GGTA1: variants seen among roughly 807,000 people sequenced by gnomAD.
GGTA1 encodes inactive N-acetyllactosaminide alpha-1,3-galactosyltransferase.
Under a neutral mutation model 2.6 loss-of-function variants are expected in GGTA1, and 5 were observed. That is an observed-to-expected ratio of 1.92 (90% CI 1.00 to 4.04). GGTA1 has a LOEUF of 4.04. Ranked by LOEUF, GGTA1 falls within the 30% of genes most tolerant of loss-of-function variation. The probability of loss-of-function intolerance (pLI) is 0.00; values close to 1 mark genes in which losing one functional copy is unlikely to be tolerated. For missense variants in GGTA1, 50 were observed against 16.7 expected (o/e 2.99, Z -3.47); for synonymous variants, 17 against 5.0 (o/e 3.38, Z -3.19).
intron 2 of GGTA1, among the ~76,000 whole-genome samples, chr9:121,467,547 A>T (rs913902066): frequency 6.6e-6 from 1 of 152,240 alleles, no homozygotes; most frequent in Non-Finnish European, 1.5e-5. Context: ...CAAGTTATTT[A>T]AAATTACATT....
At chr9:121,495,882 C>T (rs538617178) in intron 1 of GGTA1, among the ~76,000 whole-genome samples, 1 of 152,216 alleles carries the variant, frequency 6.6e-6, no homozygotes, top group East Asian at 1.9e-4. Flanking sequence ...GCCTTTGAGA[C>T]ATTCAAAACA....
intron 4 of GGTA1, among the ~76,000 whole-genome samples, 196 bp downstream of exon 4, chr9:121,461,056 G>T (rs1484475672): frequency 6.6e-6 from 1 of 152,162 alleles, no homozygotes; most frequent in East Asian, 1.9e-4. Context: ...CAGCCTGAGT[G>T]ACAGTGAGAC....
chr9:121,480,334 G>A (rs1589335362), intron 1 of GGTA1, among the ~76,000 whole-genome samples: 1 of 152,192 alleles, frequency 6.6e-6, no homozygotes, highest in South Asian at 2.1e-4. Flanking sequence ...GGGATTACAG[G>A]TGTGAGCCAC....
At chr9:121,468,236 T>G (rs10116742) in intron 1 of GGTA1, among the ~76,000 whole-genome samples, 33,312 of 152,198 alleles carry the variant, frequency 0.22, 4,311 homozygotes, top group Middle Eastern at 0.3. Context: ...GTTCTCATAG[T>G]TCACCTCCCA....
At chr9:121,474,534 C>G (rs1286327171) in intron 1 of GGTA1, among the ~76,000 whole-genome samples, 1 of 152,140 alleles carries the variant, frequency 6.6e-6, no homozygotes, top group Non-Finnish European at 1.5e-5. Context: ...TTCCATATGG[C>G]CTATAAGTGA....
rs545203339 is a variant in GGTA1, at chr9:121,457,805, C to T, written c.299-1964G>A. Among the ~76,000 whole-genome samples, 58 of 151,564 alleles carry T rather than the reference C, an allele frequency of 3.8e-4. 1 individual carries two copies. In the South Asian group the frequency reaches 0.011, roughly 29 times the overall value. On this transcript the variant is annotated intron_variant, in intron 5 of 5. Coordinates refer to ENST00000481799, the MANE Select transcript of GGTA1 (RefSeq NM_001382585.1). ...GCTGGGAAGAGGGAGCTGCCCCTCTCGGGAGACGGTCACAAATGAGGATGT... is the reference window on the plus strand; with the variant it reads ...GCTGGGAAGAGGGAGCTGCCCCTCTTGGGAGACGGTCACAAATGAGGATGT...
intron 1 of GGTA1, among the ~76,000 whole-genome samples, chr9:121,486,429 G>A (rs1828755132): frequency 1.3e-5 from 2 of 152,236 alleles, no homozygotes; most frequent in African/African-American, 4.8e-5. Context: ...CCCAGGTGGT[G>A]TGCAGAGAGC....
intron 1 of GGTA1, among the ~76,000 whole-genome samples, chr9:121,487,593 A>G (rs1204735690): frequency 2.0e-5 from 3 of 151,766 alleles, no homozygotes; most frequent in Admixed American, 2.0e-4. Flanking sequence ...AAAAAAAAAA[A>G]AAAAGCTAAA....
intron 1 of GGTA1, among the ~76,000 whole-genome samples, chr9:121,470,842 G>A (rs1828372160): frequency 6.6e-6 from 1 of 152,254 alleles, no homozygotes; most frequent in Non-Finnish European, 1.5e-5. Flanking sequence ...CCATTATTCT[G>A]GAGGTCATAA....
intron 2 of GGTA1, among the ~76,000 whole-genome samples, chr9:121,464,860 T>C (rs2064990988): frequency 6.6e-6 from 1 of 152,248 alleles, no homozygotes; most frequent in South Asian, 2.1e-4. Flanking sequence ...ACAATTCTTC[T>C]ATTTACTAAT....
At chr9:121,463,673 G>A (rs1043284471) in intron 2 of GGTA1, among the ~76,000 whole-genome samples, 3 of 152,132 alleles carry the variant, frequency 2.0e-5, no homozygotes, top group Non-Finnish European at 4.4e-5. Context: ...ACAGGTGTGA[G>A]TCATCACTCC....
rs1554838784 is a variant in GGTA1, at chr9:121,496,757, A to AAAAAAAAAAAAAAAAAG, written c.-10+2892_-10+2893insCTTTTTTTTTTTTTTTT. 8.6e-4 allele frequency among the ~76,000 whole-genome samples: 96 copies of AAAAAAAAAAAAAAAAAG among 111,928 alleles called. 1 individual carries two copies. Among genetic ancestry groups the AAAAAAAAAAAAAAAAAG allele is most frequent in the Non-Finnish European group, 1.7e-3 (81 of 48,252 alleles). 73.4% of individuals were successfully genotyped at this position (111,928 alleles called of 152,430 possible). On this transcript the variant is annotated intron_variant, in intron 1 of 5. Transcript: ENST00000481799. ...AAAAAAAAAAAAAAAAAAAAAAAAA[A>AAAAAAAAAAAAAAAAAG]AGAGAGAGAGAATCGCTTGAATGAA...
intron 5 of GGTA1, among the ~76,000 whole-genome samples, chr9:121,458,671 G>T (rs542124550): frequency 4.7e-4 from 66 of 141,198 alleles, no homozygotes; most frequent in African/African-American, 1.6e-3. Context: ...TAAAGGATAA[G>T]ATAAGATAAA....
rs1036218289 is a variant in GGTA1 at position 121,465,005 on chromosome 9, CA to C, written c.81-1678del. Among the ~76,000 whole-genome samples, 32 of 117,958 alleles carry C rather than the reference CA, an allele frequency of 2.7e-4. 2 individuals are homozygous for C. In the East Asian group the frequency reaches 6.6e-3, roughly 24 times the overall value. The allele number at this position is 117,958 out of a possible 152,430, so 77.4% of individuals were successfully genotyped here. A position where few individuals can be genotyped will look rare whatever the true frequency, so the allele number is the denominator to read the frequency against. ...TAAAGTGGCAAAAAAACAAAACAAACAAAAAAAAAAAAACAAAAAACAACTC... is the reference window on the plus strand; with the variant it reads ...TAAAGTGGCAAAAAAACAAAACAAACAAAAAAAAAAAACAAAAAACAACTC... On this transcript the variant is annotated intron_variant, in intron 2 of 5. Transcript: ENST00000481799.
At chr9:121,475,536 G>C (rs1353917959) in intron 1 of GGTA1, among the ~76,000 whole-genome samples, 1 of 152,156 alleles carries the variant, frequency 6.6e-6, no homozygotes, top group Admixed American at 6.5e-5. Context: ...TAACACAAGT[G>C]TTTGGGGTGA....
At chr9:121,449,839 C>CAA (rs35123086) in intron 7 of GGTA1, among the ~76,000 whole-genome samples, 1,248 of 93,350 alleles carry the variant, frequency 0.013, 34 homozygotes, top group East Asian at 0.048. Flanking sequence ...GACTCCATCT[C>CAA]AAAAAAAAAA....
chr9:121,466,444 A>C (rs2065005512), intron 2 of GGTA1, among the ~76,000 whole-genome samples: 1 of 152,152 alleles, frequency 6.6e-6, no homozygotes, highest in Admixed American at 6.5e-5. Context: ...AGACCCTTTT[A>C]ACTTGGTCAC....
intron 1 of GGTA1, among the ~76,000 whole-genome samples, chr9:121,480,342 C>T (rs1828615965): frequency 6.6e-6 from 1 of 152,170 alleles, no homozygotes; most frequent in South Asian, 2.1e-4. Context: ...AGGTGTGAGC[C>T]ACCATGCCCG....
At chr9:121,480,712 C>T (rs1828625372) in intron 1 of GGTA1, among the ~76,000 whole-genome samples, 1 of 152,162 alleles carries the variant, frequency 6.6e-6, no homozygotes, top group African/African-American at 2.4e-5. Context: ...CTTTAGGGTC[C>T]AGAAGTCTTC....
Sources: allele counts gnomAD v4.1 joint callset (sites outside exome capture counted in the v4.1 genomes callset), GRCh38; gene constraint gnomAD v4.1.1; transcripts MANE v1.5; gene names NCBI Gene and HGNC (gene_info 2026-07-23, HGNC 2026-07-21).